The following RAB3C variants were observed in gnomAD, a reference collection of about 807,000 sequenced individuals.
RAB3C encodes the protein RAB3C, member RAS oncogene family.
Under a neutral mutation model 26.4 loss-of-function variants are expected in RAB3C, and 17 were observed. The observed-to-expected ratio is 0.64, with a 90% confidence interval of 0.44 to 0.97. The LOEUF (loss-of-function observed/expected upper bound fraction) is 0.97, where lower values mean the gene tolerates loss of function less well. RAB3C is among the 50% of genes least tolerant of loss of function. The probability of loss-of-function intolerance (pLI) is 0.00; values close to 1 mark genes in which losing one functional copy is unlikely to be tolerated. For synonymous variants in RAB3C, 91 were observed against 95.9 expected, an observed-to-expected ratio of 0.95 and a Z score of 0.30; for missense variants, 242 against 281.9, an observed-to-expected ratio of 0.86 and a Z score of 1.01.
At chr5:58,616,697 A>T (rs1267599390) in intron 1 of RAB3C, among the ~76,000 whole-genome samples, 6 of 152,134 alleles carry the variant, frequency 3.9e-5, no homozygotes, top group Non-Finnish European at 4.4e-5. Flanking sequence ...TTCCCATTTC[A>T]TCTAAGGCAG....
intron 2 of RAB3C, among the ~76,000 whole-genome samples, chr5:58,622,516 C>T (rs912644048): frequency 6.6e-6 from 1 of 152,142 alleles, no homozygotes; most frequent in Admixed American, 6.5e-5. Flanking sequence ...TTCACTCTGA[C>T]AAATGCTGTG....
At chr5:58,687,673 G>A (rs899909347) in intron 2 of RAB3C, among the ~76,000 whole-genome samples, 1 of 152,104 alleles carries the variant, frequency 6.6e-6, no homozygotes, top group Admixed American at 6.6e-5. Context: ...AATCCACCTA[G>A]AGAGGAGGTA....
At chr5:58,677,981 T>TGC (rs1273744332) in intron 2 of RAB3C, among the ~76,000 whole-genome samples, 2 of 142,124 alleles carry the variant, frequency 1.4e-5, no homozygotes, top group Non-Finnish European at 3.2e-5. Flanking sequence ...TTATTTTGTG[T>TGC]GTGTGTGTGT....
intron 1 of RAB3C, among the ~76,000 whole-genome samples, chr5:58,587,349 A>T (rs964765769): frequency 6.6e-5 from 10 of 152,138 alleles, no homozygotes; most frequent in Non-Finnish European, 1.5e-4. Flanking sequence ...GCTAAATACA[A>T]GCAGCTGGGC....
chr5:58,808,237 A>G (rs937836825), intron 3 of RAB3C, among the ~76,000 whole-genome samples: 14 of 151,946 alleles, frequency 9.2e-5, no homozygotes, highest in African/African-American at 3.1e-4. Context: ...AAAAAAAAAA[A>G]AAAAAGAAAT....
At chr5:58,836,156 C>G (rs908711644) in intron 4 of RAB3C, among the ~76,000 whole-genome samples, 6 of 152,058 alleles carry the variant, frequency 3.9e-5, no homozygotes, top group African/African-American at 1.4e-4. Context: ...AGAAAAAATA[C>G]CCTTAGAAAG....
chr5:58,708,207 C>A (rs1350621221), intron 2 of RAB3C, among the ~76,000 whole-genome samples: 2 of 152,084 alleles, frequency 1.3e-5, no homozygotes, highest in African/African-American at 4.8e-5. Flanking sequence ...CCAGGCTGGT[C>A]TCAAACTCCT....
intron 2 of RAB3C, among the ~76,000 whole-genome samples, chr5:58,712,105 G>A (rs188320050): frequency 1.4e-4 from 22 of 152,198 alleles, no homozygotes; most frequent in East Asian, 1.2e-3. Flanking sequence ...TGCACCAACC[G>A]TCCCCGTTCC....
intron 3 of RAB3C, among the ~76,000 whole-genome samples, chr5:58,769,003 C>A (rs926977126): frequency 1.3e-5 from 2 of 152,150 alleles, no homozygotes; most frequent in Admixed American, 6.5e-5. Context: ...TGGCCCAAAG[C>A]AGCAGCCTTG....
chr5:58,805,662 T>C (rs903431913), intron 3 of RAB3C, among the ~76,000 whole-genome samples: 3 of 147,708 alleles, frequency 2.0e-5, no homozygotes, highest in South Asian at 2.2e-4. Context: ...GCAGAGAACA[T>C]AGAAAAATGT....
At chr5:58,679,755 T>G (rs1216359672) in intron 2 of RAB3C, among the ~76,000 whole-genome samples, 1 of 152,228 alleles carries the variant, frequency 6.6e-6, no homozygotes, top group Non-Finnish European at 1.5e-5. Flanking sequence ...AAAATCTGAA[T>G]CAGAATCAGA....
At chr5:58,847,085 A>C (rs1242919138) in intron 4 of RAB3C, 1 of 152,102 alleles carries the variant, frequency 6.6e-6, no homozygotes, top group African/African-American at 2.4e-5. Flanking sequence ...TCTGCCAAAG[A>C]GATTAGAAAG....
intron 2 of RAB3C, among the ~76,000 whole-genome samples, chr5:58,621,521 C>T (rs1283204508): frequency 6.6e-6 from 1 of 152,120 alleles, no homozygotes; most frequent in Non-Finnish European, 1.5e-5. Flanking sequence ...CAGTGGAATC[C>T]TCCAGCTATA....
intron 1 of RAB3C, among the ~76,000 whole-genome samples, chr5:58,584,318 C>T (rs1745968021): frequency 6.6e-6 from 1 of 152,122 alleles, no homozygotes; most frequent in East Asian, 1.9e-4. Flanking sequence ...CCTTACTGGA[C>T]TGTTAGATGA....
chr5:58,805,617 A>G (rs112672588), intron 3 of RAB3C, among the ~76,000 whole-genome samples: 97 of 149,366 alleles, frequency 6.5e-4, no homozygotes, highest in East Asian at 5.5e-3. Flanking sequence ...GAGAGAGAGA[A>G]AAAAAGAAAA....
chr5:58,741,236 C>T (rs552901477), intron 3 of RAB3C, among the ~76,000 whole-genome samples: 1 of 152,262 alleles, frequency 6.6e-6, no homozygotes, highest in African/African-American at 2.4e-5. Context: ...GTATTGACAA[C>T]GAGGGAAGTT....
chr5:58,728,959 G>GTTA (rs1740944739), intron 3 of RAB3C, among the ~76,000 whole-genome samples: 1 of 151,866 alleles, frequency 6.6e-6, no homozygotes, highest in South Asian at 2.1e-4. Flanking sequence ...TACTTCCTCT[G>GTTA]TCATCTTTAA....
At chr5:58,810,766 T>C (rs550306733) in intron 3 of RAB3C, among the ~76,000 whole-genome samples, 53 of 152,256 alleles carry the variant, frequency 3.5e-4, no homozygotes, top group African/African-American at 1.2e-3. Context: ...CCAGCTATTT[T>C]TTGTATGTTT....
chr5:58,729,289 C>CT (rs1275983325), intron 3 of RAB3C, among the ~76,000 whole-genome samples: 1 of 151,844 alleles, frequency 6.6e-6, no homozygotes, highest in Admixed American at 6.6e-5. Flanking sequence ...GATTTACTGT[C>CT]TTAACCATTT....
Sources: gnomAD v4.1 joint callset for allele counts (sites outside exome capture counted in the v4.1 genomes callset) on GRCh38, gnomAD v4.1.1 for gene constraint, MANE v1.5 for transcripts, NCBI Gene and HGNC (gene_info 2026-07-23, HGNC 2026-07-21) for gene names.